RYR2: variants seen among roughly 807,000 people sequenced by gnomAD.
The protein encoded by RYR2 is cardiac muscle ryanodine receptor-calcium release channel.
RYR2 carries 227 observed loss-of-function variants against 601.1 expected under a neutral mutation model. That is an observed-to-expected ratio of 0.38 (90% CI 0.34 to 0.42). The LOEUF is 0.42. Among genes scored for constraint, RYR2 ranks in the 10% least tolerant of loss-of-function variants. The probability of loss-of-function intolerance (pLI) is 1.00; values close to 1 mark genes in which losing one functional copy is unlikely to be tolerated. For missense variants in RYR2, 4,646 were observed against 6,156.5 expected (o/e 0.75, Z 8.21); for synonymous variants, 2,223 against 2,175.1 (o/e 1.02, Z -0.61).
intron 11 of RYR2, among the ~76,000 whole-genome samples, chr1:237,417,804 T>C (rs1169746910): frequency 6.6e-6 from 1 of 152,202 alleles, no homozygotes. Flanking sequence ...GGTGTCATTT[T>C]GAACTATTTT....
intron 83 of RYR2, 41 bp from the exon 84 acceptor site, chr1:237,760,914 T>C (rs1465646502): frequency 2.3e-6 from 3 of 1,297,364 alleles, no homozygotes; most frequent in South Asian, 1.3e-5. Flanking sequence ...GAAAATGTTC[T>C]ATTAGTCCTC....
chr1:237,608,422 G>C (rs1340780541), intron 35 of RYR2, among the ~76,000 whole-genome samples: 1 of 152,178 alleles, frequency 6.6e-6, no homozygotes, highest in Admixed American at 6.5e-5. Flanking sequence ...TGGGAGAGGG[G>C]CTGGTCTCAG....
chr1:237,331,747 C>T (rs1026144960), intron 3 of RYR2, among the ~76,000 whole-genome samples: 3 of 151,748 alleles, frequency 2.0e-5, no homozygotes, highest in East Asian at 1.9e-4. Flanking sequence ...ACCTCCTGAC[C>T]TCGTGATCTG....
intron 1 of RYR2, among the ~76,000 whole-genome samples, chr1:237,227,489 G>A (rs1388962710): frequency 6.6e-6 from 1 of 152,176 alleles, no homozygotes; most frequent in African/African-American, 2.4e-5. Flanking sequence ...AATAAAGTAA[G>A]TTTTGTTCAA....
chr1:237,374,836 C>A (rs1466991908), intron 7 of RYR2, 41 bp downstream of exon 7: 2 of 1,510,318 alleles, frequency 1.3e-6, no homozygotes, highest in Non-Finnish European at 9.1e-7. Flanking sequence ...TCAGAGAGAA[C>A]CCTGCAGGGG....
intron 27 of RYR2, among the ~76,000 whole-genome samples, chr1:237,552,654 T>C (rs1175275196): frequency 6.6e-6 from 1 of 152,024 alleles, no homozygotes; most frequent in Non-Finnish European, 1.5e-5. Flanking sequence ...TTTTTATATG[T>C]AGTTTCTTTT....
intron 1 of RYR2, among the ~76,000 whole-genome samples, chr1:237,235,315 G>A (rs990888564): frequency 6.6e-6 from 1 of 152,218 alleles, no homozygotes; most frequent in African/African-American, 2.4e-5. Flanking sequence ...CTGTTACTGA[G>A]TTGGCATCTA....
chr1:237,310,042 G>A (rs1006494601), intron 2 of RYR2, among the ~76,000 whole-genome samples: 11 of 152,194 alleles, frequency 7.2e-5, no homozygotes, highest in African/African-American at 2.2e-4. Flanking sequence ...GCCTCGGCCA[G>A]CACAGAGAAG....
chr1:237,305,673 C>A (rs1693798739), intron 2 of RYR2, among the ~76,000 whole-genome samples: 1 of 152,190 alleles, frequency 6.6e-6, no homozygotes. Flanking sequence ...CTCAGGTGAT[C>A]CACCAGCCTT....
intron 59 of RYR2, 35 bp from the exon 60 acceptor site, chr1:237,674,696 A>G (rs1416082676): frequency 8.2e-7 from 1 of 1,219,534 alleles, no homozygotes; most frequent in Non-Finnish European, 1.2e-6. Context: ...GGCTTTGTAC[A>G]AATTGCTTTC....
chr1:237,450,180 A>G lies in RYR2; in HGVS notation c.1293-4211A>G, dbSNP rs542990815. 5.3e-4 allele frequency among the ~76,000 whole-genome samples: 81 copies of G among 152,148 alleles called. 2 individuals carry two copies. The South Asian group carries it at 0.013, about 24-fold the overall frequency. Reference sequence around the variant, plus strand: ...TCAGGTGATTCTGTTCCCTGCCTTGAGTAGTTTTCTCATGACATTCTCATC... The same window carrying G: ...TCAGGTGATTCTGTTCCCTGCCTTGGGTAGTTTTCTCATGACATTCTCATC... On this transcript the variant is annotated intron_variant, in intron 14 of 104. Coordinates refer to ENST00000366574, the MANE Select transcript of RYR2 (RefSeq NM_001035.3).
At chr1:237,127,674 G>A (rs1451382786) in intron 1 of RYR2, among the ~76,000 whole-genome samples, 8 of 150,778 alleles carry the variant, frequency 5.3e-5, no homozygotes, top group African/African-American at 9.7e-5. Context: ...CAGACGGGGC[G>A]GCCGGGCAGA....
chr1:237,201,529 T>C (rs975891798), intron 1 of RYR2, among the ~76,000 whole-genome samples: 3 of 152,194 alleles, frequency 2.0e-5, no homozygotes, highest in Admixed American at 2.0e-4. Context: ...TTCTAAAAAC[T>C]TGATGTATTA....
intron 1 of RYR2, among the ~76,000 whole-genome samples, chr1:237,067,635 C>G (rs1442439069): frequency 6.6e-6 from 1 of 152,060 alleles, no homozygotes; most frequent in African/African-American, 2.4e-5. Context: ...TTAAAATATT[C>G]TTGTCTATAT....
chr1:237,318,097 A>AT, intron 2 of RYR2, among the ~76,000 whole-genome samples: 1 of 152,142 alleles, frequency 6.6e-6, no homozygotes, highest in Non-Finnish European at 1.5e-5. Flanking sequence ...TTTACTATGT[A>AT]TTTTTTGAGT....
chr1:237,143,031 C>A (rs573210567), intron 1 of RYR2, among the ~76,000 whole-genome samples: 2 of 152,274 alleles, frequency 1.3e-5, no homozygotes, highest in South Asian at 4.1e-4. Context: ...AGTAGTTCCT[C>A]GGTGTTCTTA....
intron 34 of RYR2, among the ~76,000 whole-genome samples, chr1:237,597,691 C>A (rs546009763): frequency 6.3e-4 from 96 of 152,018 alleles, no homozygotes; most frequent in African/African-American, 1.8e-3. Flanking sequence ...TTGCAGCAGT[C>A]ACACTAATGA....
At chr1:237,315,888 C>A (rs1303007731) in intron 2 of RYR2, among the ~76,000 whole-genome samples, 1 of 152,018 alleles carries the variant, frequency 6.6e-6, no homozygotes, top group Non-Finnish European at 1.5e-5. Context: ...ATTTAAGATA[C>A]CAGATAGGGA....
intron 12 of RYR2, among the ~76,000 whole-genome samples, chr1:237,434,737 G>A (rs1460229036): frequency 1.3e-5 from 2 of 152,174 alleles, no homozygotes; most frequent in Non-Finnish European, 2.9e-5. Context: ...AAATAAGACT[G>A]TCAATGAGAT....
Sources: gnomAD v4.1 joint callset for allele counts (sites outside exome capture counted in the v4.1 genomes callset) on GRCh38, gnomAD v4.1.1 for gene constraint, MANE v1.5 for transcripts, NCBI Gene and HGNC (gene_info 2026-07-23, HGNC 2026-07-21) for gene names.